Variants in LACRT observed in about 807,000 individuals in gnomAD.
LACRT encodes the protein extracellular glycoprotein lacritin.
In LACRT, 14 loss-of-function variants were observed where a neutral mutation model predicts 14.5. The ratio of observed to expected loss-of-function variants is 0.96; its 90% CI spans 0.64 to 1.51. The LOEUF (loss-of-function observed/expected upper bound fraction) is 1.51, where lower values mean the gene tolerates loss of function less well. Among genes scored for constraint, LACRT ranks in the 40% most tolerant of loss-of-function variants. LACRT has a pLI of 0.00. For synonymous variants in LACRT, 70 were observed against 63.5 expected (o/e 1.10, Z -0.48); for missense variants, 156 against 161.8 (o/e 0.96, Z 0.19).
At position 54,633,181 on chromosome 12, in the gene LACRT, G is replaced by T. The variant is rs1308950299; in HGVS notation, c.111C>A (p.Thr37=). ...GGCAGCAGGGAGAGGAGGACTCACA[G>T]GTCCCAGCTTCCTGGGCAGGATCAG... is the stretch of plus-strand genomic sequence containing the variant. ...TGADPAQEAG[T]SKPNEEISGP... is the part of the protein sequence containing the mutation. The change falls in exon 2 of 5, where the codon ACC becomes ACA. Residue 37 remains threonine (T), a splice_region_variant and synonymous_variant. Transcript: ENST00000257867. The T allele has an allele frequency of 1.2e-6, 2 of 1,613,882 alleles. No homozygotes were observed. Among genetic ancestry groups the T allele is most frequent in the East Asian group, 4.5e-5 (2 of 44,860 alleles).
intron 4 of LACRT, among the ~76,000 whole-genome samples, chr12:54,631,360 C>A (rs1438535565): frequency 6.6e-6 from 1 of 152,302 alleles, no homozygotes; most frequent in Non-Finnish European, 1.5e-5. Flanking sequence ...CCACCTTAGC[C>A]TCCCAAGTAG....
chr12:54,633,247 A>T lies in LACRT; in HGVS notation c.59-14T>A. The stretch of plus-strand genomic sequence containing the variant: ...AGGAGGCATCTTCTGCAATGGGGGA[A>T]ACATGCCAGATGAGAGCAAGGACCG... On this transcript the variant is annotated splice_polypyrimidine_tract_variant and intron_variant, in intron 1 of 4. Transcript: ENST00000257867. The T allele has an allele frequency of 1.9e-6, 3 of 1,613,276 alleles. No homozygotes were observed. The Middle Eastern group carries it at 5.0e-4, about 267-fold the overall frequency.
chr12:54,634,798 G>T lies in LACRT; in HGVS notation c.44C>A (p.Ala15Asp). ...GCCATACTCACCAGCATAGACCAGGGCCCCTGCTACAGCTGCCAAGAAGAG... is the reference window on the plus strand; with the variant it reads ...GCCATACTCACCAGCATAGACCAGGTCCCCTGCTACAGCTGCCAAGAAGAG... ...TLLFLAAVAG[A>D]LVYAEDASSD... Residue 15 changes from alanine (A) to aspartate (D), a missense_variant, in exon 1 of 5, where the codon GCC becomes GAC. Ala to Asp is a moderately radical substitution (Grantham distance 126). Transcript: ENST00000257867. 1.2e-6 allele frequency: 2 copies of T among 1,613,886 alleles called. No homozygotes were observed. Among genetic ancestry groups the T allele is most frequent in the East Asian group, 2.2e-5 (1 of 44,870 alleles).
chr12:54,633,156 G>T, intron 2 of LACRT, 24 bp downstream of exon 2: 1 of 1,612,344 alleles, frequency 6.2e-7, no homozygotes, highest in Non-Finnish European at 8.5e-7. Context: ...CGAGGGCTAG[G>T]GCAGCAGGGA....
intron 3 of LACRT, 51 bp downstream of exon 3, chr12:54,632,190 C>T (rs1958156419): frequency 4.4e-6 from 7 of 1,603,556 alleles, no homozygotes; most frequent in Non-Finnish European, 6.0e-6. Flanking sequence ...TGTGGGCCTG[C>T]AGCCAGAGAC....
At position 54,632,140 on chromosome 12, in the gene LACRT, C is replaced by T. The variant is rs372523360; in HGVS notation, c.253+101G>A. The T allele has an allele frequency of 1.0e-4, 141 of 1,387,794 alleles. 2 individuals are homozygous for T. The highest frequency in any genetic ancestry group is 9.0e-4 in the East Asian group (39 of 43,466). The allele number at this position is 1,387,794 out of a possible 1,614,324, so 86.0% of individuals were successfully genotyped here. A position where few individuals can be genotyped will look rare whatever the true frequency, so the allele number is the denominator to read the frequency against. On this transcript the variant is annotated intron_variant, in intron 3 of 4. Coordinates refer to ENST00000257867, the MANE Select transcript of LACRT (RefSeq NM_033277.2). Reference sequence around the variant, plus strand: ...TTTGTGTTCAGCTGTTTGAGTCTACCTGCTTCTCACCAGGCTTATCTCTGT... The same window carrying T: ...TTTGTGTTCAGCTGTTTGAGTCTACTTGCTTCTCACCAGGCTTATCTCTGT...
chr12:54,634,351 CAAAA>C (rs10561513), intron 1 of LACRT, among the ~76,000 whole-genome samples: 8 of 94,986 alleles, frequency 8.4e-5, no homozygotes, highest in Admixed American at 1.2e-4. Context: ...GACTCGGTCT[CAAAA>C]AAAAAAAAAA....
chr12:54,632,260 C>A lies in LACRT; in HGVS notation c.234G>T (p.Arg78Ser). 6.2e-7 allele frequency: 1 copy of A among 1,614,094 alleles called. No individual in the cohort carries two copies. The highest frequency in any genetic ancestry group is 8.5e-7 in the Non-Finnish European group (1 of 1,180,000). ...ACTTACTCAGGGGGTTTAGTTCCTG[C>A]CTGCTTGAGGTGACCTTGGCTGTCC... The part of the protein sequence containing the change: ...VQGTAKVTSS[R>S]QELNPLKSIV... The change falls in exon 3 of 5, where the codon AGG becomes AGT. Residue 78 changes from arginine (R) to serine (S), a missense_variant. By Grantham distance (110) the Arg-to-Ser change is moderately radical (BLOSUM62 -1). Coordinates refer to ENST00000257867, the MANE Select transcript of LACRT (RefSeq NM_033277.2).
intron 4 of LACRT, 114 bp downstream of exon 4, chr12:54,631,624 C>A: frequency 1.3e-6 from 1 of 761,896 alleles, no homozygotes. Flanking sequence ...GTGGCAATTC[C>A]AAGTCTCATA....
Position 54,634,796 on chromosome 12 carries a change from G to A in LACRT, c.46C>T (p.Leu16=), listed in dbSNP as rs776979544. 2 of 1,613,892 alleles carry A rather than the reference G, an allele frequency of 1.2e-6. No individual in the cohort carries two copies. The highest frequency in any genetic ancestry group is 1.1e-5 in the South Asian group (1 of 91,070). Residue 16 remains leucine, a synonymous_variant, in exon 1 of 5, where the codon CTG becomes TTG. Transcript: ENST00000257867. The part of the protein sequence containing the change: ...LLFLAAVAGA[L]VYAEDASSDS... ...AGGCCATACTCACCAGCATAGACCA[G>A]GGCCCCTGCTACAGCTGCCAAGAAG...
chr12:54,632,034 A>G, intron 3 of LACRT, 195 bp from the exon 4 acceptor site: 1 of 681,944 alleles, frequency 1.5e-6, no homozygotes, highest in Non-Finnish European at 2.5e-6. Flanking sequence ...GCCAGGACAG[A>G]AACCATGTAT....
chr12:54,631,923 C>T (rs1958155021), intron 3 of LACRT, 84 bp from the exon 4 acceptor site: 2 of 656,850 alleles, frequency 3.0e-6, no homozygotes, highest in African/African-American at 4.1e-5. Context: ...TGCACCCGCC[C>T]CCCACCCCCA....
chr12:54,632,794 G>A lies in LACRT; in HGVS notation c.112+386C>T, dbSNP rs369619623. On this transcript the variant is annotated intron_variant, in intron 2 of 4. Coordinates refer to ENST00000257867, the MANE Select transcript of LACRT (RefSeq NM_033277.2). The stretch of plus-strand genomic sequence containing the variant: ...ATAAAAGAGAGTCATGGAAAATGGG[G>A]TTGGAAAATGAGGTTAGAGGCCAGA... 2.0e-5 allele frequency among the ~76,000 whole-genome samples: 3 copies of A among 152,272 alleles called. No homozygotes were observed. In the East Asian group the frequency reaches 5.8e-4, roughly 29 times the overall value.
At chr12:54,634,393 A>G (rs1958174547) in intron 1 of LACRT, among the ~76,000 whole-genome samples, 1 of 150,628 alleles carries the variant, frequency 6.6e-6, no homozygotes, top group Non-Finnish European at 1.5e-5. Flanking sequence ...CTCCTAAGAG[A>G]CACAGCCAGG....
chr12:54,633,261 G>C (rs1592196786), intron 1 of LACRT, 28 bp from the exon 2 acceptor site: 1 of 1,610,772 alleles, frequency 6.2e-7, no homozygotes, highest in Non-Finnish European at 8.5e-7. Flanking sequence ...TGCCAGATGA[G>C]AGCAAGGACC....
At chr12:54,631,991 G>T (rs1287084286) in intron 3 of LACRT, 152 bp from the exon 4 acceptor site, 2 of 669,416 alleles carry the variant, frequency 3.0e-6, no homozygotes, top group Non-Finnish European at 5.1e-6. Context: ...TTTGCTGAGG[G>T]CTCCAGCACT....
At chr12:54,632,098 A>C (rs1958155844) in intron 3 of LACRT, 143 bp downstream of exon 3, 2 of 925,818 alleles carry the variant, frequency 2.2e-6, no homozygotes, top group East Asian at 4.9e-5. Context: ...GGTGCAATGC[A>C]CAATCCCATT....
intron 2 of LACRT, 151 bp from the exon 3 acceptor site, chr12:54,632,532 A>G: frequency 2.2e-6 from 2 of 895,430 alleles, no homozygotes; most frequent in Non-Finnish European, 3.4e-6. Flanking sequence ...GGGAGATAGC[A>G]TTTCTGCATG....
chr12:54,631,248 C>CT (rs939386636), intron 4 of LACRT, among the ~76,000 whole-genome samples: 14 of 151,614 alleles, frequency 9.2e-5, no homozygotes, highest in Admixed American at 2.6e-4. Flanking sequence ...TGAATCTGTT[C>CT]TTTTTTTTTG....
Sources: gnomAD v4.1 joint callset for allele counts (sites outside exome capture counted in the v4.1 genomes callset) on GRCh38, gnomAD v4.1.1 for gene constraint, MANE v1.5 for transcripts, NCBI Gene and HGNC (gene_info 2026-07-23, HGNC 2026-07-21) for gene names.